CDC73: variants seen among roughly 807,000 people sequenced by gnomAD.
CDC73 encodes parafibromin.
A neutral mutation model predicts 83.7 loss-of-function variants in CDC73; 21 were observed. That is an observed-to-expected ratio of 0.25 (90% CI 0.18 to 0.36). CDC73 has a LOEUF of 0.36. Ranked by LOEUF, CDC73 falls within the 10% of genes least tolerant of loss-of-function variation. The pLI is 1.00. For missense variants in CDC73, 342 were observed against 653.3 expected, an observed-to-expected ratio of 0.52 and a Z score of 5.19; for synonymous variants, 224 against 212.9, an observed-to-expected ratio of 1.05 and a Z score of -0.45.
chr1:193,205,306 A>C (rs1197997192), intron 11 of CDC73, among the ~76,000 whole-genome samples: 1 of 148,378 alleles, frequency 6.7e-6, no homozygotes, highest in Admixed American at 6.8e-5. Flanking sequence ...AATCTTCTGC[A>C]TGAATTTCAC....
intron 10 of CDC73, among the ~76,000 whole-genome samples, chr1:193,194,779 C>T (rs899889611): frequency 2.0e-5 from 3 of 151,962 alleles, no homozygotes; most frequent in Non-Finnish European, 4.4e-5. Flanking sequence ...TGCAAGAGTA[C>T]CCCTTTTAAA....
chr1:193,184,803 T>C (rs1013049040), intron 10 of CDC73, among the ~76,000 whole-genome samples: 1 of 151,960 alleles, frequency 6.6e-6, no homozygotes, highest in African/African-American at 2.4e-5. Flanking sequence ...GAGAGTGATG[T>C]TGAGGTGTAA....
intron 3 of CDC73, among the ~76,000 whole-genome samples, chr1:193,135,177 A>T (rs557523551): frequency 1.4e-4 from 21 of 152,324 alleles, no homozygotes; most frequent in African/African-American, 5.1e-4. Context: ...TGTAAGCTAA[A>T]TTGTTAAAAA....
At chr1:193,249,920 C>T in intron 16 of CDC73, 49 bp downstream of exon 16, 3 of 1,585,510 alleles carry the variant, frequency 1.9e-6, no homozygotes, top group Non-Finnish European at 2.6e-6. Context: ...TGTAATTTTT[C>T]TGTCTCAGTT....
intron 11 of CDC73, among the ~76,000 whole-genome samples, chr1:193,204,297 T>TTC (rs1677149018): frequency 6.8e-6 from 1 of 147,500 alleles, no homozygotes; most frequent in African/African-American, 2.5e-5. Flanking sequence ...ATTTTTTTTT[T>TTC]TTCTTTTTTT....
intron 7 of CDC73, among the ~76,000 whole-genome samples, chr1:193,144,317 A>G (rs1675957226): frequency 6.6e-6 from 1 of 151,642 alleles, no homozygotes; most frequent in Admixed American, 6.6e-5. Flanking sequence ...TTGAAAAACT[A>G]ATAAAAAGGA....
chr1:193,180,521 G>A, intron 10 of CDC73: 1 of 1,614,052 alleles, frequency 6.2e-7, no homozygotes, highest in Non-Finnish European at 8.5e-7. Context: ...AACTTGGCAA[G>A]ACAGATCCCT....
At chr1:193,139,652 C>T (rs928445201) in intron 6 of CDC73, among the ~76,000 whole-genome samples, 1 of 152,146 alleles carries the variant, frequency 6.6e-6, no homozygotes, top group African/African-American at 2.4e-5. Context: ...ATACTTTTTA[C>T]CTTGTTGAGG....
At chr1:193,225,258 A>G (rs1677547287) in intron 13 of CDC73, among the ~76,000 whole-genome samples, 1 of 150,754 alleles carries the variant, frequency 6.6e-6, no homozygotes, top group African/African-American at 2.4e-5. Flanking sequence ...ATATATATAT[A>G]TATATATATA....
chr1:193,205,036 T>C (rs1303207528), intron 11 of CDC73, among the ~76,000 whole-genome samples: 1 of 152,182 alleles, frequency 6.6e-6, no homozygotes, highest in African/African-American at 2.4e-5. Context: ...GAAAAATTCT[T>C]CCCCCTATTC....
chr1:193,234,223 A>G (rs1472143398), intron 14 of CDC73, among the ~76,000 whole-genome samples: 1 of 24,684 alleles, frequency 4.1e-5, no homozygotes, highest in Non-Finnish European at 9.5e-5. Flanking sequence ...ACACACACAT[A>G]TATATATTTA....
chr1:193,211,283 C>T (rs1677275479), intron 11 of CDC73, among the ~76,000 whole-genome samples: 1 of 152,216 alleles, frequency 6.6e-6, no homozygotes, highest in Non-Finnish European at 1.5e-5. Flanking sequence ...CTATCACTCA[C>T]TGTGGCTGAA....
chr1:193,129,573 C>T (rs1330822646), intron 2 of CDC73, among the ~76,000 whole-genome samples: 1 of 151,762 alleles, frequency 6.6e-6, no homozygotes, highest in Non-Finnish European at 1.5e-5. Context: ...GTGGTGCAGT[C>T]TCGGCTCACT....
At chr1:193,171,620 GTTC>G (rs1365877655) in intron 10 of CDC73, among the ~76,000 whole-genome samples, 2 of 152,086 alleles carry the variant, frequency 1.3e-5, no homozygotes, top group African/African-American at 2.4e-5. Flanking sequence ...ACTCTCCCTT[GTTC>G]TTCTTCTCTT....
intron 2 of CDC73, among the ~76,000 whole-genome samples, chr1:193,127,527 G>A (rs571852910): frequency 2.0e-5 from 3 of 152,190 alleles, no homozygotes; most frequent in Non-Finnish European, 4.4e-5. Context: ...AACTAAATTA[G>A]GTAGTTCTTA....
intron 15 of CDC73, among the ~76,000 whole-genome samples, chr1:193,238,753 AAAAG>A (rs1677807885): frequency 6.6e-6 from 1 of 152,208 alleles, no homozygotes; most frequent in Admixed American, 6.5e-5. Context: ...TAAGTAGAGA[AAAAG>A]AAAACGTTAA....
intron 10 of CDC73, among the ~76,000 whole-genome samples, chr1:193,173,996 A>G (rs1158098577): frequency 6.6e-6 from 1 of 152,202 alleles, no homozygotes; most frequent in Non-Finnish European, 1.5e-5. Flanking sequence ...ACTGTGGTTT[A>G]TCTGCATTCC....
At chr1:193,133,895 A>G (rs1287214746) in intron 3 of CDC73, among the ~76,000 whole-genome samples, 11 of 151,388 alleles carry the variant, frequency 7.3e-5, no homozygotes, top group Admixed American at 3.3e-4. Flanking sequence ...AATTTAAACT[A>G]TACGGAGATA....
At chr1:193,231,875 G>A (rs761726702) in intron 13 of CDC73, among the ~76,000 whole-genome samples, 8 of 152,074 alleles carry the variant, frequency 5.3e-5, no homozygotes, top group African/African-American at 1.4e-4. Context: ...AACTTTAGAA[G>A]CAGAATGATA....
Sources: gnomAD v4.1 joint callset for allele counts (sites outside exome capture counted in the v4.1 genomes callset) on GRCh38, gnomAD v4.1.1 for gene constraint, MANE v1.5 for transcripts, NCBI Gene and HGNC (gene_info 2026-07-23, HGNC 2026-07-21) for gene names.